The following LINGO2 variants were observed in gnomAD, a reference collection of about 807,000 sequenced individuals.
LINGO2 encodes the protein leucine rich repeat and Ig domain containing 2, also known as leucine-rich repeat and immunoglobulin-like domain-containing nogo receptor-interacting protein 2.
A neutral mutation model predicts 30.6 loss-of-function variants in LINGO2; 14 were observed. The observed-to-expected ratio is 0.46, with a 90% CI of 0.30 to 0.72. The LOEUF is 0.72. Among genes scored for constraint, LINGO2 ranks in the 30% least tolerant of loss-of-function variants. The probability of loss-of-function intolerance (pLI) is 0.07; values close to 1 mark genes in which losing one functional copy is unlikely to be tolerated. For missense variants in LINGO2, 729 were observed against 751.7 expected (o/e 0.97, Z 0.35); for synonymous variants, 317 against 288.5 (o/e 1.10, Z -1.00).
At chr9:28,761,096 A>C in the LINGO2 span, among the ~76,000 whole-genome samples, 32 of 151,756 alleles carry the variant, frequency 2.1e-4, no homozygotes, top group African/African-American at 7.8e-4. Context: ...TTTTCGAATA[A>C]TGACTTCTTT....
intron 1 of LINGO2, among the ~76,000 whole-genome samples, chr9:28,632,162 C>G (rs190316618): frequency 6.6e-6 from 1 of 152,104 alleles, no homozygotes; most frequent in East Asian, 1.9e-4. Context: ...AGAGCAAACA[C>G]GTTCAATGCA....
chr9:28,590,266 C>T (rs1824809093), intron 1 of LINGO2, among the ~76,000 whole-genome samples: 1 of 152,086 alleles, frequency 6.6e-6, no homozygotes, highest in Non-Finnish European at 1.5e-5. Context: ...ATGTCTAAAA[C>T]ACCAAAAGCA....
At chr9:28,493,177 C>A (rs561444217) in intron 1 of LINGO2, among the ~76,000 whole-genome samples, 5 of 152,082 alleles carry the variant, frequency 3.3e-5, no homozygotes, top group Non-Finnish European at 5.9e-5. Context: ...AGGAAATGAC[C>A]AAAGGAAGAA....
At chr9:28,802,762 A>G in the LINGO2 span, among the ~76,000 whole-genome samples, 1 of 152,040 alleles carries the variant, frequency 6.6e-6, no homozygotes, top group Non-Finnish European at 1.5e-5. Context: ...TCTGTGTGGC[A>G]AAGGGTCAGA....
intron 2 of LINGO2, among the ~76,000 whole-genome samples, chr9:28,438,078 G>A (rs894566956): frequency 1.3e-5 from 2 of 152,072 alleles, no homozygotes; most frequent in African/African-American, 4.8e-5. Flanking sequence ...TCACACCAAA[G>A]GCCTAGGGCT....
At chr9:29,066,855 C>G in the LINGO2 span, among the ~76,000 whole-genome samples, 1 of 151,718 alleles carries the variant, frequency 6.6e-6, no homozygotes, top group South Asian at 2.1e-4. Flanking sequence ...GAAAAACCTG[C>G]TTTATGTTAG....
At chr9:29,194,218 G>T in the LINGO2 span, among the ~76,000 whole-genome samples, 3 of 152,152 alleles carry the variant, frequency 2.0e-5, no homozygotes, top group East Asian at 5.8e-4. Flanking sequence ...CAGGGTGGCT[G>T]GGGCATCCAA....
intron 4 of LINGO2, among the ~76,000 whole-genome samples, chr9:28,055,360 ACT>A (rs1824878135): frequency 6.6e-6 from 1 of 152,020 alleles, no homozygotes; most frequent in African/African-American, 2.4e-5. Context: ...GCTCAAATAA[ACT>A]CTAAACAAGC....
chr9:28,096,057 C>T (rs949605338), intron 4 of LINGO2, among the ~76,000 whole-genome samples: 1 of 152,150 alleles, frequency 6.6e-6, no homozygotes, highest in Non-Finnish European at 1.5e-5. Flanking sequence ...GGGAGGATCA[C>T]TTGAGCCCAG....
the LINGO2 span, among the ~76,000 whole-genome samples, chr9:29,182,686 A>T: frequency 4.3e-5 from 4 of 92,858 alleles, no homozygotes; most frequent in Non-Finnish European, 9.4e-5. Context: ...GTAAATCTGT[A>T]GGTTTTTTTT....
chr9:28,736,635 A>T, the LINGO2 span, among the ~76,000 whole-genome samples: 2 of 152,026 alleles, frequency 1.3e-5, no homozygotes, highest in Non-Finnish European at 2.9e-5. Context: ...TACCAAAAAT[A>T]CAAAAAATTA....
chr9:28,931,598 GGTAAA>G, the LINGO2 span, among the ~76,000 whole-genome samples: 3 of 151,992 alleles, frequency 2.0e-5, no homozygotes, highest in African/African-American at 7.3e-5. Context: ...TATTTCATGT[GGTAAA>G]GTAAAGAAAA....
At chr9:28,714,683 T>G in the LINGO2 span, among the ~76,000 whole-genome samples, 1 of 152,132 alleles carries the variant, frequency 6.6e-6, no homozygotes, top group Non-Finnish European at 1.5e-5. Flanking sequence ...GCTAGCGTTA[T>G]CTAGATAGTA....
At chr9:27,986,721 G>T (rs1821142824) in intron 5 of LINGO2, among the ~76,000 whole-genome samples, 1 of 151,782 alleles carries the variant, frequency 6.6e-6, no homozygotes, top group Non-Finnish European at 1.5e-5. Context: ...CTTAAAGGCT[G>T]TAAAACTAGT....
At chr9:29,045,820 G>C in the LINGO2 span, among the ~76,000 whole-genome samples, 2 of 152,006 alleles carry the variant, frequency 1.3e-5, no homozygotes, top group African/African-American at 4.8e-5. Flanking sequence ...CAATTTACTT[G>C]AGCATTGTTT....
intron 1 of LINGO2, among the ~76,000 whole-genome samples, chr9:28,557,082 C>A (rs939934320): frequency 6.6e-6 from 1 of 152,078 alleles, no homozygotes; most frequent in Admixed American, 6.5e-5. Context: ...AGGACATAGG[C>A]ATGGGCAAGG....
intron 4 of LINGO2, among the ~76,000 whole-genome samples, chr9:28,177,580 G>A (rs1404937644): frequency 4.6e-5 from 7 of 152,120 alleles, no homozygotes; most frequent in African/African-American, 1.4e-4. Flanking sequence ...TATTACATGT[G>A]ATAAGGAATG....
At chr9:29,131,126 T>C in the LINGO2 span, among the ~76,000 whole-genome samples, 3 of 152,186 alleles carry the variant, frequency 2.0e-5, no homozygotes, top group Admixed American at 2.0e-4. Flanking sequence ...ATGGAACCAC[T>C]TCCTTTGTAA....
chr9:28,578,105 G>A (rs1334202680), intron 1 of LINGO2, among the ~76,000 whole-genome samples: 2 of 152,172 alleles, frequency 1.3e-5, no homozygotes, highest in Non-Finnish European at 2.9e-5. Flanking sequence ...TAGCTATAAT[G>A]AGATATTAAT....
Sources: allele counts gnomAD v4.1 joint callset (sites outside exome capture counted in the v4.1 genomes callset), GRCh38; gene constraint gnomAD v4.1.1; transcripts MANE v1.5; gene names NCBI Gene and HGNC (gene_info 2026-07-23, HGNC 2026-07-21).